Variants in WASF1 observed in about 807,000 individuals in gnomAD.
WASF1 encodes actin-binding protein WASF1.
In WASF1, 7 loss-of-function variants were observed where a neutral mutation model predicts 50.5. The ratio of observed to expected loss-of-function variants is 0.14; its 90% CI spans 0.08 to 0.26. The LOEUF (loss-of-function observed/expected upper bound fraction) is 0.26. Ranked by LOEUF, WASF1 falls within the 10% of genes least tolerant of loss-of-function variation. WASF1 has a pLI of 1.00. For synonymous variants in WASF1, 205 were observed against 244.0 expected (o/e 0.84, Z 1.49); for missense variants, 470 against 694.7 (o/e 0.68, Z 3.64).
In WASF1 at chr6:110,121,986, T is replaced by C. The variant is rs565110139; in HGVS notation, c.133+5483A>G. Reference sequence around the variant, plus strand: ...ACTCCTAGGTGGGAATTGAACAACATGAACACATGGACACATGGTGGGGAA... The same window carrying C: ...ACTCCTAGGTGGGAATTGAACAACACGAACACATGGACACATGGTGGGGAA... On this transcript the variant is annotated intron_variant, in intron 4 of 10. Transcript: ENST00000392589. 5.4e-5 allele frequency among the ~76,000 whole-genome samples: 8 copies of C among 147,116 alleles called. No homozygotes were observed. In the South Asian group the frequency reaches 1.7e-3, roughly 31 times the overall value.
chr6:110,117,039 C>G (rs55725048), intron 4 of WASF1, among the ~76,000 whole-genome samples: 5,135 of 150,890 alleles, frequency 0.034, 99 homozygotes, highest in Middle Eastern at 0.051. Context: ...GATAAAACCA[C>G]AAAGATGGGG....
chr6:110,105,648 T>A (rs1773291352), intron 7 of WASF1, 69 bp from the exon 8 acceptor site: 2 of 1,460,988 alleles, frequency 1.4e-6, no homozygotes, highest in Admixed American at 3.7e-5. Context: ...GTTATAACAA[T>A]CAAATTAAAC....
In WASF1 at chr6:110,101,777, C is replaced by G; in HGVS notation, c.1333G>C (p.Val445Leu). ...GAGGGAGGATGAGCAAGAGCTGTAA[C>G]TGTGACAGGTGATGATGGTCGAATG... ...PGIRPSSPVT[V>L]TALAHPPSGL... Residue 445 changes from valine to leucine, a missense_variant, in exon 10 of 11, where the codon GTT (valine) becomes CTT (leucine). Transcript: ENST00000392589. The G allele has an allele frequency of 1.2e-6, 2 of 1,614,082 alleles. No individual in the cohort carries two copies. The highest frequency in any genetic ancestry group is 1.6e-4 in the Middle Eastern group (1 of 6,062).
intron 2 of WASF1, among the ~76,000 whole-genome samples, chr6:110,167,425 C>T (rs1192286673): frequency 6.6e-6 from 1 of 151,842 alleles, no homozygotes; most frequent in African/African-American, 2.4e-5. Flanking sequence ...TCCAGTGGGA[C>T]AAGATGTGGA....
intron 2 of WASF1, among the ~76,000 whole-genome samples, chr6:110,170,583 A>G (rs992989975): frequency 2.0e-5 from 3 of 152,148 alleles, no homozygotes; most frequent in African/African-American, 7.2e-5. Flanking sequence ...TTGCAAATAC[A>G]GTAGATTTTA....
chr6:110,149,484 TAAAA>T (rs71729607), intron 3 of WASF1, among the ~76,000 whole-genome samples: 2 of 103,276 alleles, frequency 1.9e-5, no homozygotes, highest in African/African-American at 6.5e-5. Context: ...GACTCTGTCT[TAAAA>T]AAAAAAAAAA....
At chr6:110,118,076 C>T (rs1194460120) in intron 4 of WASF1, among the ~76,000 whole-genome samples, 1 of 152,018 alleles carries the variant, frequency 6.6e-6, no homozygotes, top group African/African-American at 2.4e-5. Context: ...TGGTAAAGAA[C>T]ATCGATGCTA....
At chr6:110,175,838 G>A (rs78266870) in intron 2 of WASF1, among the ~76,000 whole-genome samples, 10,757 of 152,066 alleles carry the variant, frequency 0.071, 506 homozygotes, top group African/African-American at 0.14. Flanking sequence ...TAGCATTTCA[G>A]GGTACATCTG....
At chr6:110,143,948 C>A (rs959618041) in intron 3 of WASF1, among the ~76,000 whole-genome samples, 2 of 152,112 alleles carry the variant, frequency 1.3e-5, no homozygotes, top group African/African-American at 4.8e-5. Flanking sequence ...TTTATAGCAG[C>A]ATGATTTATA....
chr6:110,133,402 T>C (rs1192859470), intron 3 of WASF1, among the ~76,000 whole-genome samples: 1 of 152,176 alleles, frequency 6.6e-6, no homozygotes, highest in Non-Finnish European at 1.5e-5. Flanking sequence ...TGGGTAGATA[T>C]CCAATAGTGG....
At chr6:110,166,864 A>G (rs147651541) in intron 2 of WASF1, among the ~76,000 whole-genome samples, 1 of 151,958 alleles carries the variant, frequency 6.6e-6, no homozygotes, top group Non-Finnish European at 1.5e-5. Flanking sequence ...CATATAACAC[A>G]CAAAACTCAA....
chr6:110,124,235 C>CCCCT lies in WASF1; in HGVS notation c.133+3233_133+3234insAGGG, dbSNP rs1562170286. 4.5e-4 allele frequency among the ~76,000 whole-genome samples: 5 copies of CCCCT among 11,032 alleles called. 1 individual carries two copies. Among genetic ancestry groups the CCCCT allele is most frequent in the African/African-American group, 1.5e-3 (5 of 3,314 alleles). 7.2% of individuals were successfully genotyped at this position (11,032 alleles called of 152,430 possible). A position where few individuals can be genotyped will look rare whatever the true frequency, so the allele number is the denominator to read the frequency against. On this transcript the variant is annotated intron_variant, in intron 4 of 10. Transcript: ENST00000392589. ...TCTCTCTCCTCTCTCTCCTCTCTCTCCTCTCTCTCTCTCTCTCTCTCTCTC... is the reference window on the plus strand; with the variant it reads ...TCTCTCTCCTCTCTCTCCTCTCTCTCCCCTCTCTCTCTCTCTCTCTCTCTCTCTC...
intron 2 of WASF1, among the ~76,000 whole-genome samples, chr6:110,171,327 A>C (rs1449658907): frequency 6.6e-6 from 1 of 152,198 alleles, no homozygotes; most frequent in African/African-American, 2.4e-5. Flanking sequence ...CACACTTCTA[A>C]ATAACACATG....
chr6:110,106,551 G>A (rs908892342), intron 7 of WASF1, among the ~76,000 whole-genome samples: 1 of 152,172 alleles, frequency 6.6e-6, no homozygotes, highest in Non-Finnish European at 1.5e-5. Context: ...GCAGATACAA[G>A]TGAATTTTAT....
intron 7 of WASF1, among the ~76,000 whole-genome samples, chr6:110,106,142 G>T (rs537228165): frequency 6.6e-6 from 1 of 152,200 alleles, no homozygotes; most frequent in Non-Finnish European, 1.5e-5. Context: ...TAGAGTAAGT[G>T]TAACAAATTC....
chr6:110,106,831 G>A (rs1050514024), intron 7 of WASF1, among the ~76,000 whole-genome samples: 14 of 152,126 alleles, frequency 9.2e-5, no homozygotes, highest in African/African-American at 3.4e-4. Context: ...ATGCTATTTT[G>A]TGTTATCTAA....
At chr6:110,120,648 G>A (rs1478088640) in intron 4 of WASF1, among the ~76,000 whole-genome samples, 2 of 152,154 alleles carry the variant, frequency 1.3e-5, no homozygotes, top group Admixed American at 1.3e-4. Context: ...TCCCCATCAA[G>A]CTACCAATGA....
At chr6:110,147,075 C>T (rs531451623) in intron 3 of WASF1, among the ~76,000 whole-genome samples, 62 of 151,986 alleles carry the variant, frequency 4.1e-4, no homozygotes, top group Middle Eastern at 3.4e-3. Context: ...AGGCCAGGCG[C>T]GGTGGCTCAC....
chr6:110,108,596 A>G lies in WASF1; in HGVS notation c.354T>C (p.Pro118=). 6.2e-7 allele frequency: 1 copy of G among 1,614,138 alleles called. No homozygotes were observed. The highest frequency in any genetic ancestry group is 8.5e-7 in the Non-Finnish European group (1 of 1,179,986). Residue 118 remains proline (P), a synonymous_variant, in exon 6 of 11, where the codon CCT becomes CCC. Coordinates refer to ENST00000392589, the MANE Select transcript of WASF1 (RefSeq NM_003931.3). ...CATCGTACGTCTCCTGTAATGGAATAGGCAAAGTCTTGCGATCGAAAAGCT... is the reference window on the plus strand; with the variant it reads ...CATCGTACGTCTCCTGTAATGGAATGGGCAAAGTCTTGCGATCGAAAAGCT... ...DQQLFDRKTL[P]IPLQETYDVC...
Sources: allele counts gnomAD v4.1 joint callset (sites outside exome capture counted in the v4.1 genomes callset), GRCh38; gene constraint gnomAD v4.1.1; transcripts MANE v1.5; gene names NCBI Gene and HGNC (gene_info 2026-07-23, HGNC 2026-07-21).